Variants in TAFA2 observed in about 807,000 individuals in gnomAD.
The protein encoded by TAFA2 is chemokine-like protein TAFA-2.
A neutral mutation model predicts 18.8 loss-of-function variants in TAFA2; 7 were observed. That is an observed-to-expected ratio of 0.37 (90% CI 0.21 to 0.70). TAFA2 has a LOEUF of 0.70. Ranked by LOEUF, TAFA2 falls within the 30% of genes least tolerant of loss-of-function variation. TAFA2 has a pLI of 0.53. For synonymous variants in TAFA2, 60 were observed against 54.2 expected (o/e 1.11, Z -0.47); for missense variants, 122 against 158.1 (o/e 0.77, Z 1.23).
chr12:61,800,401 A>G (rs1871353555), intron 2 of TAFA2, among the ~76,000 whole-genome samples: 1 of 152,190 alleles, frequency 6.6e-6, no homozygotes, highest in African/African-American at 2.4e-5. Context: ...AACTGAAGGT[A>G]AGAAAACTTG....
intron 2 of TAFA2, among the ~76,000 whole-genome samples, chr12:61,766,094 C>A (rs1301383914): frequency 6.6e-6 from 1 of 152,040 alleles, no homozygotes; most frequent in Non-Finnish European, 1.5e-5. Context: ...CTTAACATTT[C>A]TTTCTTGCAA....
At chr12:61,929,460 A>G (rs1356491075) in intron 1 of TAFA2, among the ~76,000 whole-genome samples, 12 of 152,180 alleles carry the variant, frequency 7.9e-5, no homozygotes, top group Non-Finnish European at 1.8e-4. Flanking sequence ...ATGAGATACC[A>G]TCTCACACCA....
chr12:61,932,999 A>G (rs1463851838), intron 1 of TAFA2, among the ~76,000 whole-genome samples: 1 of 152,212 alleles, frequency 6.6e-6, no homozygotes, highest in Non-Finnish European at 1.5e-5. Context: ...AAGCTAGGTT[A>G]AAGGCAACAT....
intron 1 of TAFA2, among the ~76,000 whole-genome samples, chr12:62,058,148 A>G (rs769406803): frequency 4.5e-4 from 68 of 152,204 alleles, no homozygotes; most frequent in Non-Finnish European, 3.8e-4. Context: ...CTTGCTATTG[A>G]GAAGTCAACT....
rs904932955 is a variant in TAFA2, at chr12:61,710,243, A to T, written c.*163T>A. 3.2e-6 allele frequency: 2 copies of T among 617,364 alleles called. No homozygotes were observed. Among genetic ancestry groups the T allele is most frequent in the Non-Finnish European group, 5.8e-6 (2 of 346,416 alleles). The allele number at this position is 617,364 out of a possible 1,614,324, so 38.2% of individuals were successfully genotyped here. A position where few individuals can be genotyped will look rare whatever the true frequency, so the allele number is the denominator to read the frequency against. Reference sequence around the variant, plus strand: ...GCAAGTTCATGTCTGACTTTTAAAAAGTCTTGATTTCAAGAAGAGGCCATG... The same window carrying T: ...GCAAGTTCATGTCTGACTTTTAAAATGTCTTGATTTCAAGAAGAGGCCATG... On this transcript the variant is annotated 3_prime_UTR_variant, in exon 5 of 5. Coordinates refer to ENST00000416284, the MANE Select transcript of TAFA2 (RefSeq NM_178539.5).
intron 1 of TAFA2, among the ~76,000 whole-genome samples, chr12:61,912,721 C>T (rs1438609085): frequency 2.0e-5 from 3 of 152,088 alleles, no homozygotes; most frequent in Non-Finnish European, 4.4e-5. Context: ...TTCACTTCCC[C>T]CTGGTAAAGC....
At chr12:61,867,271 G>A (rs775069295) in intron 2 of TAFA2, 49 bp downstream of exon 2, 34 of 1,145,186 alleles carry the variant, frequency 3.0e-5, no homozygotes, top group Non-Finnish European at 3.9e-5. Context: ...TCTGTGTTAA[G>A]GGTAGTCATC....
chr12:61,766,566 C>T (rs7306758), intron 2 of TAFA2, among the ~76,000 whole-genome samples: 45,773 of 151,926 alleles, frequency 0.3, 7,276 homozygotes, highest in South Asian at 0.37. Flanking sequence ...ATCTCTGTAA[C>T]GCGTGTAATT....
intron 2 of TAFA2, among the ~76,000 whole-genome samples, chr12:61,836,732 G>GATATATATGTATATATATATATATATAT (rs58543429): frequency 6.0e-4 from 68 of 112,754 alleles, no homozygotes; most frequent in South Asian, 1.5e-3. Flanking sequence ...TTGCCAATTT[G>GATATATATGTATATATATATATATATAT]ATATATATAT....
At chr12:62,149,948 A>G (rs1172375903) in intron 1 of TAFA2, among the ~76,000 whole-genome samples, 1 of 152,170 alleles carries the variant, frequency 6.6e-6, no homozygotes, top group African/African-American at 2.4e-5. Context: ...ACTCTCCTTA[A>G]AGCTAAGGGA....
chr12:62,050,484 C>A (rs927209042), intron 1 of TAFA2, among the ~76,000 whole-genome samples: 9 of 151,562 alleles, frequency 5.9e-5, no homozygotes, highest in African/African-American at 1.9e-4. Flanking sequence ...AGGCAGGAGA[C>A]TGGCGTGAAC....
intron 1 of TAFA2, among the ~76,000 whole-genome samples, chr12:61,907,013 T>G (rs1468138561): frequency 6.6e-6 from 1 of 152,074 alleles, no homozygotes; most frequent in Non-Finnish European, 1.5e-5. Context: ...AAGACATGGT[T>G]TGGAATTGGC....
At chr12:61,903,323 C>T (rs1023292731) in intron 1 of TAFA2, among the ~76,000 whole-genome samples, 1 of 152,204 alleles carries the variant, frequency 6.6e-6, no homozygotes, top group Non-Finnish European at 1.5e-5. Context: ...AACTCAAGTT[C>T]TGAAGCCCAT....
chr12:61,824,467 T>C (rs1352051888), intron 2 of TAFA2, among the ~76,000 whole-genome samples: 2 of 152,168 alleles, frequency 1.3e-5, no homozygotes, highest in African/African-American at 4.8e-5. Context: ...GTATAGAGTA[T>C]GTATTAGTGC....
At chr12:62,232,693 G>A (rs2062817022) in intron 1 of TAFA2, among the ~76,000 whole-genome samples, 1 of 152,024 alleles carries the variant, frequency 6.6e-6, no homozygotes, top group Non-Finnish European at 1.5e-5. Context: ...TGTATTTTTA[G>A]TAGAGATAGG....
chr12:61,815,519 T>G (rs776735929), intron 2 of TAFA2, among the ~76,000 whole-genome samples: 16 of 150,698 alleles, frequency 1.1e-4, no homozygotes, highest in Non-Finnish European at 1.8e-4. Flanking sequence ...AAAAATTAGC[T>G]GGGCATGGTG....
chr12:61,773,843 T>C (rs1269580317), intron 2 of TAFA2, among the ~76,000 whole-genome samples: 1 of 151,872 alleles, frequency 6.6e-6, no homozygotes, highest in Admixed American at 6.6e-5. Flanking sequence ...AAAAGAAAGA[T>C]AAATATATGG....
chr12:62,170,157 A>G (rs1331713869), intron 1 of TAFA2, among the ~76,000 whole-genome samples: 2 of 152,194 alleles, frequency 1.3e-5, no homozygotes, highest in Non-Finnish European at 2.9e-5. Flanking sequence ...CTAGGGCAAG[A>G]CTTAATAGTA....
At chr12:62,159,765 G>A (rs1359224192) in intron 1 of TAFA2, among the ~76,000 whole-genome samples, 1 of 152,262 alleles carries the variant, frequency 6.6e-6, no homozygotes, top group African/African-American at 2.4e-5. Context: ...AGTGTATACT[G>A]CTCGGGTGAT....
Sources: gnomAD v4.1 joint callset for allele counts (sites outside exome capture counted in the v4.1 genomes callset) on GRCh38, gnomAD v4.1.1 for gene constraint, MANE v1.5 for transcripts, NCBI Gene and HGNC (gene_info 2026-07-23, HGNC 2026-07-21) for gene names.